Variants in SLIT1 observed in about 807,000 individuals in gnomAD.
SLIT1 encodes slit guidance ligand 1, also known as slit homolog 1 protein.
In SLIT1, 66 loss-of-function variants were observed where a neutral mutation model predicts 186.1. The observed-to-expected ratio is 0.35, with a 90% CI of 0.29 to 0.44. The LOEUF (loss-of-function observed/expected upper bound fraction) is 0.44. SLIT1 is among the 20% of genes least tolerant of loss of function. The pLI is 1.00. For synonymous variants in SLIT1, 761 were observed against 833.8 expected, an observed-to-expected ratio of 0.91 and a Z score of 1.50; for missense variants, 1,638 against 2,037.4, an observed-to-expected ratio of 0.80 and a Z score of 3.77.
At chr10:97,037,847 C>A in intron 21 of SLIT1, 81 bp from the exon 22 acceptor site, 1 of 1,170,258 alleles carries the variant, frequency 8.5e-7, no homozygotes, top group Non-Finnish European at 1.2e-6. Flanking sequence ...TCCCTGCAGC[C>A]AGGGACTTCG....
At position 97,004,819 on chromosome 10, in the gene SLIT1, G is replaced by A. The variant is rs1848345676; in HGVS notation, c.3584C>T (p.Ser1195Phe). 6.2e-7 allele frequency: 1 copy of A among 1,614,118 alleles called. No individual in the cohort carries two copies. Among genetic ancestry groups the A allele is most frequent in the African/African-American group, 1.3e-5 (1 of 75,026 alleles). The change falls in exon 33 of 37, where the codon TCC (serine) becomes TTC (phenylalanine). Residue 1195 changes from serine (S) to phenylalanine (F), a missense_variant. Transcript: ENST00000266058. This position sits in a 1 kb window ranked among gnomAD's most constrained non-coding sequence, Gnocchi z 5.1. Reference protein sequence around the residue: ...WPRANITLQVSTAEDNGILLY... With the variant: ...WPRANITLQVFTAEDNGILLY... The stretch of plus-strand genomic sequence containing the variant: ...AAGGATCCCATTGTCCTCTGCCGTG[G>A]AGACCTGATGGGCAGTGGCACTTTC...
At chr10:97,090,112 A>G (rs144432673) in intron 4 of SLIT1, among the ~76,000 whole-genome samples, 181 of 152,358 alleles carry the variant, frequency 1.2e-3, no homozygotes, top group African/African-American at 4.3e-3. Flanking sequence ...GGGCTTAGGC[A>G]GAGCAGCAAC....
At chr10:97,094,768 G>A (rs573391299) in intron 4 of SLIT1, among the ~76,000 whole-genome samples, 2 of 152,050 alleles carry the variant, frequency 1.3e-5, no homozygotes, top group Admixed American at 1.3e-4. Context: ...ATGAATGAGG[G>A]CATGAATATC....
At position 97,163,373 on chromosome 10, in the gene SLIT1, G is replaced by C; in HGVS notation, c.341+7C>G. 6.2e-7 allele frequency: 1 copy of C among 1,613,326 alleles called. No homozygotes were observed. The highest frequency in any genetic ancestry group is 8.5e-7 in the Non-Finnish European group (1 of 1,179,320). ...GCCCTCCTGGCCTGCACCCTGCCAG[G>C]ACTCACAGCCGCTCCAGCTCCTTCA... On this transcript the variant is annotated splice_region_variant and intron_variant, in intron 3 of 36. Transcript: ENST00000266058.
At position 97,063,539 on chromosome 10, in the gene SLIT1, C is replaced by G; in HGVS notation, c.709G>C (p.Gly237Arg). The change falls in exon 8 of 37, where the codon GGG becomes CGG. Residue 237 changes from glycine to arginine, a missense_variant. By Grantham distance (125) the Gly-to-Arg change is moderately radical. Around this residue, in one of 3 missense-constraint regions of SLIT1, gnomAD observed 1,245 missense variants for 1,535.3 expected, o/e 0.81. Coordinates refer to ENST00000266058, the MANE Select transcript of SLIT1 (RefSeq NM_003061.3). ...GGGCCCGAGCACTGGGTGAAGAGCC[C>G]GATGGTTGGCCGCTGCCTCAGCCAC... ...SQWLRQRPTI[G>R]LFTQCSGPAS... The G allele has an allele frequency of 3.7e-6, 6 of 1,613,002 alleles. No homozygotes were observed. Among genetic ancestry groups the G allele is most frequent in the African/African-American group, 1.3e-5 (1 of 74,978 alleles).
chr10:97,019,576 G>A (rs186516534), intron 26 of SLIT1, among the ~76,000 whole-genome samples: 27 of 152,290 alleles, frequency 1.8e-4, no homozygotes, highest in Admixed American at 1.8e-3. Flanking sequence ...TGTGAGCATC[G>A]TGCCCAAGCT....
chr10:97,016,795 T>C (rs557564276), intron 28 of SLIT1, among the ~76,000 whole-genome samples: 1 of 152,306 alleles, frequency 6.6e-6, no homozygotes, highest in South Asian at 2.1e-4. Flanking sequence ...AGGGAGTGTA[T>C]AGTTTTTAGA....
chr10:97,013,999 T>C lies in SLIT1; in HGVS notation c.3109+20A>G. 1 of 1,611,666 alleles carries C rather than the reference T, an allele frequency of 6.2e-7. No individual in the cohort carries two copies. The highest frequency in any genetic ancestry group is 8.5e-7 in the Non-Finnish European group (1 of 1,179,774). ...TCTGTTCCCCACCTCCCCCAGACAC[T>C]GCTGCCCTGACGCACTTACCCTCAT... On this transcript the variant is annotated intron_variant, in intron 29 of 36. Transcript: ENST00000266058.
intron 4 of SLIT1, among the ~76,000 whole-genome samples, chr10:97,109,397 C>T (rs1310124980): frequency 1.3e-5 from 2 of 152,138 alleles, no homozygotes; most frequent in African/African-American, 4.8e-5. Flanking sequence ...CTACTCTCTC[C>T]AGAGGTGCTT....
At chr10:97,074,657 A>G (rs1849029328) in intron 4 of SLIT1, among the ~76,000 whole-genome samples, 2 of 152,188 alleles carry the variant, frequency 1.3e-5, no homozygotes, top group Admixed American at 1.3e-4. Context: ...CAAGCACCCC[A>G]GGAGGCAAGC....
chr10:97,112,960 C>T (rs1259325402), intron 4 of SLIT1, among the ~76,000 whole-genome samples: 1 of 152,202 alleles, frequency 6.6e-6, no homozygotes, highest in Non-Finnish European at 1.5e-5. Flanking sequence ...TTTCAAAGCG[C>T]TGGGATTACA....
At chr10:97,154,513 A>G (rs1184700392) in intron 4 of SLIT1, 1 of 152,298 alleles carries the variant, frequency 6.6e-6, no homozygotes, top group Non-Finnish European at 1.5e-5. Flanking sequence ...TTTCCTGCTG[A>G]GAGTAAAGGA....
chr10:97,011,012 G>A lies in SLIT1; in HGVS notation c.3322C>T (p.Leu1108Phe), dbSNP rs1328451087. Residue 1108 changes from leucine (L) to phenylalanine (F), a missense_variant, in exon 31 of 37, where the codon CTC becomes TTC. Leu to Phe is a conservative substitution (Grantham distance 22, BLOSUM62 0). This residue lies in a region of SLIT1 where 1,245 missense variants were observed against 1,535.3 expected (regional missense o/e 0.81). Transcript: ENST00000266058. ...GCTCACCTGTAGCCCTCAGCACAGA[G>A]GCAGGAGTAGCTGTTGACTTCATCC... ...CMDEVNSYSCLCAEGYSGQLC... is the reference protein window; with the variant it reads ...CMDEVNSYSCFCAEGYSGQLC... 3.1e-6 allele frequency: 5 copies of A among 1,613,974 alleles called. No homozygotes were observed. The highest frequency in any genetic ancestry group is 2.5e-6 in the Non-Finnish European group (3 of 1,179,982).
chr10:97,063,140 T>G (rs1848908678), intron 8 of SLIT1, among the ~76,000 whole-genome samples: 1 of 151,408 alleles, frequency 6.6e-6, no homozygotes, highest in Admixed American at 6.6e-5. Context: ...GACAAGGCAA[T>G]GAGGGGACAG....
At chr10:97,066,518 C>T (rs115507395) in intron 4 of SLIT1, among the ~76,000 whole-genome samples, 32 of 152,244 alleles carry the variant, frequency 2.1e-4, no homozygotes, top group African/African-American at 6.7e-4. Context: ...ACTGATCCCT[C>T]CTGGCTTGAT....
intron 4 of SLIT1, among the ~76,000 whole-genome samples, chr10:97,104,193 G>A (rs140140087): frequency 6.6e-6 from 1 of 152,118 alleles, no homozygotes; most frequent in South Asian, 2.1e-4. Flanking sequence ...AAGGAAGAAG[G>A]GAGTGAGCCC....
At chr10:97,089,848 T>A (rs1184615386) in intron 4 of SLIT1, among the ~76,000 whole-genome samples, 4 of 152,136 alleles carry the variant, frequency 2.6e-5, no homozygotes, top group Admixed American at 2.6e-4. Flanking sequence ...TGGAGCCAGA[T>A]TGTCTGGGCT....
intron 13 of SLIT1, among the ~76,000 whole-genome samples, chr10:97,052,890 T>C (rs184582049): frequency 6.6e-6 from 1 of 152,342 alleles, no homozygotes; most frequent in East Asian, 1.9e-4. Flanking sequence ...AAGTTGTAGT[T>C]CAGTTGTTAA....
intron 4 of SLIT1, among the ~76,000 whole-genome samples, chr10:97,081,618 GCAGCCCCTGAGGCCCCCTCCACATGCA>G (rs1338641559): frequency 2.6e-5 from 4 of 152,186 alleles, no homozygotes; most frequent in African/African-American, 9.7e-5. Context: ...CAGGATATCT[GCAGCCCCTGAGGCCCCCTCCACATGCA>G]CAGACAGGGA....
Sources: gnomAD v4.1 joint callset for allele counts (sites outside exome capture counted in the v4.1 genomes callset) on GRCh38, gnomAD v4.1.1 for gene constraint, gnomAD v4.1.1 regional missense constraint, Gnocchi (gnomAD v3.1) non-coding constraint, MANE v1.5 for transcripts, NCBI Gene and HGNC (gene_info 2026-07-23, HGNC 2026-07-21) for gene names.